The following TRABD2B variants were observed in gnomAD, a reference collection of about 807,000 sequenced individuals.
TRABD2B encodes the protein metalloprotease TIKI2.
Under a neutral mutation model 40.1 loss-of-function variants are expected in TRABD2B, and 14 were observed. That is an observed-to-expected ratio of 0.35 (90% CI 0.23 to 0.55). TRABD2B has a LOEUF of 0.55. TRABD2B is among the 20% of genes least tolerant of loss of function. The pLI, the probability that TRABD2B is intolerant of heterozygous loss-of-function variation, is 0.90. For missense variants in TRABD2B, 541 were observed against 648.6 expected (o/e 0.83, Z 1.80); for synonymous variants, 263 against 277.0 (o/e 0.95, Z 0.50).
chr1:47,913,694 T>G (rs533706703), intron 2 of TRABD2B, among the ~76,000 whole-genome samples: 16 of 152,292 alleles, frequency 1.1e-4, no homozygotes. Context: ...CTTCCCTTCC[T>G]TTCCTACCTC....
intron 2 of TRABD2B, among the ~76,000 whole-genome samples, chr1:47,866,112 G>A (rs931188865): frequency 4.6e-5 from 7 of 151,990 alleles, no homozygotes; most frequent in Non-Finnish European, 7.4e-5. Context: ...TGCTCTGTGC[G>A]CAAGCAGGAA....
intron 2 of TRABD2B, among the ~76,000 whole-genome samples, chr1:47,978,838 G>A (rs1434966458): frequency 6.6e-6 from 1 of 152,210 alleles, no homozygotes; most frequent in Admixed American, 6.5e-5. Context: ...TATATTGTGT[G>A]AGGATCACGG....
chr1:47,789,313 C>A (rs1644638681), intron 4 of TRABD2B, among the ~76,000 whole-genome samples: 1 of 152,086 alleles, frequency 6.6e-6, no homozygotes, highest in Admixed American at 6.5e-5. Context: ...GTTCATGGGC[C>A]CTCATTGCAG....
At chr1:47,777,541 C>T (rs894853139) in intron 5 of TRABD2B, among the ~76,000 whole-genome samples, 2 of 152,172 alleles carry the variant, frequency 1.3e-5, no homozygotes, top group Non-Finnish European at 2.9e-5. Context: ...GTGACTTCAC[C>T]TCTCTGGGCC....
intron 2 of TRABD2B, among the ~76,000 whole-genome samples, chr1:47,977,606 A>G (rs1375843396): frequency 6.6e-6 from 1 of 152,002 alleles, no homozygotes; most frequent in South Asian, 2.1e-4. Context: ...GCAGGCAGAA[A>G]AATCAGAACC....
chr1:47,967,364 CA>C (rs1203959081), intron 2 of TRABD2B, among the ~76,000 whole-genome samples: 5 of 147,494 alleles, frequency 3.4e-5, no homozygotes. Context: ...CACACACACA[CA>C]CACACACAGC....
intron 2 of TRABD2B, among the ~76,000 whole-genome samples, chr1:47,874,252 ATTTTTTT>A (rs61411862): frequency 1.1e-4 from 10 of 90,520 alleles, no homozygotes; most frequent in Admixed American, 4.7e-4. Context: ...TGATTAATTA[ATTTTTTT>A]TTTTTTTTTT....
chr1:47,958,782 T>C (rs931746173), intron 2 of TRABD2B, among the ~76,000 whole-genome samples: 7 of 152,292 alleles, frequency 4.6e-5, no homozygotes, highest in African/African-American at 1.7e-4. Context: ...AACACCACAC[T>C]GTCAACATTA....
At chr1:47,949,275 T>A (rs1478895158) in intron 2 of TRABD2B, among the ~76,000 whole-genome samples, 1 of 152,058 alleles carries the variant, frequency 6.6e-6, no homozygotes, top group African/African-American at 2.4e-5. Context: ...CCCAGAGAGC[T>A]GAGTAAATTG....
chr1:47,909,700 G>A lies in TRABD2B; in HGVS notation c.666+84334C>T, dbSNP rs189420080. Among the ~76,000 whole-genome samples the A allele has an allele frequency of 4.5e-3, 673 of 149,280 alleles. 8 individuals are homozygous for A. The highest frequency in any genetic ancestry group is 0.015 in the African/African-American group (622 of 40,570). ...GCACTAAGACATTCATGAAGGATCC[G>A]CCTCCATGACCCAAACACCTCCCAC... On this transcript the variant is annotated intron_variant, in intron 2 of 6. Transcript: ENST00000606738.
intron 2 of TRABD2B, among the ~76,000 whole-genome samples, chr1:47,890,330 A>G (rs903659715): frequency 1.3e-5 from 2 of 152,190 alleles, no homozygotes; most frequent in Admixed American, 6.5e-5. Context: ...CCCAGTTAGT[A>G]GCAATGGCCA....
chr1:47,794,790 GT>G (rs555844964), intron 3 of TRABD2B, 30 bp from the exon 4 acceptor site: 178,341 of 1,119,360 alleles, frequency 0.16, 2,767 homozygotes, highest in East Asian at 0.25. Context: ...GCTGCCTTCA[GT>G]TTTTTTTTTT....
chr1:47,896,246 C>G (rs565526250), intron 2 of TRABD2B, among the ~76,000 whole-genome samples: 10 of 152,264 alleles, frequency 6.6e-5, no homozygotes, highest in African/African-American at 2.4e-4. Context: ...GGGAAGCCAG[C>G]GGAGGCTTGG....
chr1:47,800,384 T>C (rs1414704575), intron 3 of TRABD2B, among the ~76,000 whole-genome samples: 1 of 152,134 alleles, frequency 6.6e-6, no homozygotes, highest in Non-Finnish European at 1.5e-5. Context: ...GCCATGGTCA[T>C]ACCTGGGAGA....
chr1:47,884,992 G>A (rs1003864870), intron 2 of TRABD2B, among the ~76,000 whole-genome samples: 1 of 151,970 alleles, frequency 6.6e-6, no homozygotes, highest in Admixed American at 6.6e-5. Context: ...TTCAAAACCT[G>A]AACATAGCAC....
At chr1:47,837,134 G>A (rs1368342794) in intron 2 of TRABD2B, among the ~76,000 whole-genome samples, 1 of 152,190 alleles carries the variant, frequency 6.6e-6, no homozygotes, top group African/African-American at 2.4e-5. Context: ...ACAGGGGAGA[G>A]CACTGGGGCT....
intron 2 of TRABD2B, among the ~76,000 whole-genome samples, chr1:47,856,414 T>C (rs1643890811): frequency 6.6e-6 from 1 of 152,256 alleles, no homozygotes; most frequent in African/African-American, 2.4e-5. Context: ...TGTGTGTGAA[T>C]AATGAAAGGG....
intron 2 of TRABD2B, among the ~76,000 whole-genome samples, chr1:47,892,967 A>G (rs1237033307): frequency 6.6e-6 from 1 of 152,166 alleles, no homozygotes; most frequent in Non-Finnish European, 1.5e-5. Flanking sequence ...AAGAGGAAAA[A>G]AGGTAAGCTG....
intron 2 of TRABD2B, among the ~76,000 whole-genome samples, chr1:47,868,842 G>A (rs1644099175): frequency 6.6e-6 from 1 of 152,128 alleles, no homozygotes; most frequent in African/African-American, 2.4e-5. Flanking sequence ...TTGAACTGTA[G>A]ACTTCATCTT....
Sources: allele counts gnomAD v4.1 joint callset (sites outside exome capture counted in the v4.1 genomes callset), GRCh38; gene constraint gnomAD v4.1.1; transcripts MANE v1.5; gene names NCBI Gene and HGNC (gene_info 2026-07-23, HGNC 2026-07-21).